The following NPY2R variants were observed in gnomAD, a reference collection of about 807,000 sequenced individuals.
NPY2R encodes neuropeptide Y receptor type 2.
In NPY2R, 17 loss-of-function variants were observed where a neutral mutation model predicts 22.3. The ratio of observed to expected loss-of-function variants is 0.76; its 90% CI spans 0.52 to 1.14. NPY2R has a LOEUF of 1.14. Among genes scored for constraint, NPY2R ranks in the 50% most tolerant of loss-of-function variants. The pLI, the probability that NPY2R is intolerant of heterozygous loss-of-function variation, is 0.00. For missense variants in NPY2R, 424 were observed against 467.9 expected (o/e 0.91, Z 0.87); for synonymous variants, 209 against 183.4 (o/e 1.14, Z -1.13).
Position 155,216,437 on chromosome 4 carries a change from T to C in NPY2R, c.*1352T>C, listed in dbSNP as rs2111050533. On this transcript the variant is annotated 3_prime_UTR_variant, in exon 2 of 2. Transcript: ENST00000329476. ...AATAACAACTGAGATGTTAAAATAG[T>C]CATACGTCTTTAGATGCTATTAAAG... The C allele has an allele frequency of 6.0e-6, 1 of 166,962 alleles. No individual in the cohort carries two copies. The highest frequency in any genetic ancestry group is 2.1e-4 in the South Asian group (1 of 4,830). 10.3% of individuals were successfully genotyped at this position (166,962 alleles called of 1,614,324 possible). A position where few individuals can be genotyped will look rare whatever the true frequency, so the allele number is the denominator to read the frequency against.
the NPY2R span, among the ~76,000 whole-genome samples, chr4:155,190,616 G>A: frequency 6.6e-6 from 1 of 151,916 alleles, no homozygotes; most frequent in Non-Finnish European, 1.5e-5. Context: ...TATAATTTCT[G>A]TACAAAATAG....
upstream of NPY2R, among the ~76,000 whole-genome samples, chr4:155,205,073 A>G (rs762348923): frequency 6.6e-6 from 1 of 152,194 alleles, no homozygotes; most frequent in African/African-American, 2.4e-5. Flanking sequence ...GTGCAGTTCA[A>G]ACTGTGCTGT....
chr4:155,181,563 G>C, the NPY2R span, among the ~76,000 whole-genome samples: 1 of 152,080 alleles, frequency 6.6e-6, no homozygotes. Flanking sequence ...AGGAGACTTT[G>C]GGAGAAGATT....
At chr4:155,189,042 C>T in the NPY2R span, among the ~76,000 whole-genome samples, 1 of 152,110 alleles carries the variant, frequency 6.6e-6, no homozygotes, top group Non-Finnish European at 1.5e-5. Context: ...TTTTTTAAAG[C>T]ACTTCATGTA....
chr4:155,197,489 C>G, the NPY2R span, among the ~76,000 whole-genome samples: 1 of 151,634 alleles, frequency 6.6e-6, no homozygotes, highest in Non-Finnish European at 1.5e-5. Flanking sequence ...CCCTTCTTTC[C>G]TGACTAGGAG....
At chr4:155,203,028 T>G in the NPY2R span, among the ~76,000 whole-genome samples, 1 of 152,154 alleles carries the variant, frequency 6.6e-6, no homozygotes, top group Non-Finnish European at 1.5e-5. Flanking sequence ...TAAATACCCT[T>G]TTAGATTTGG....
At chr4:155,186,014 C>T in the NPY2R span, among the ~76,000 whole-genome samples, 1 of 152,158 alleles carries the variant, frequency 6.6e-6, no homozygotes, top group Admixed American at 6.5e-5. Context: ...CAGAAAGTAT[C>T]GCCACTCTGT....
chr4:155,189,891 T>A, the NPY2R span, among the ~76,000 whole-genome samples: 1 of 152,036 alleles, frequency 6.6e-6, no homozygotes, highest in Non-Finnish European at 1.5e-5. Context: ...CTTTTGCATA[T>A]CCTTACTCTT....
chr4:155,214,540 G>T lies in NPY2R; in HGVS notation c.601G>T (p.Val201Leu). The change falls in exon 2 of 2, where the codon GTG (valine) becomes TTG (leucine). Residue 201 changes from valine to leucine, a missense_variant. Transcript: ENST00000329476. ...LIEIIPDFEI[V>L]ACTEKWPGEE... ...TGAGATCATCCCGGACTTTGAGATT[G>T]TGGCCTGTACTGAAAAGTGGCCTGG... 1 of 1,614,200 alleles carries T rather than the reference G, an allele frequency of 6.2e-7. No homozygotes were observed. Among genetic ancestry groups the T allele is most frequent in the Non-Finnish European group, 8.5e-7 (1 of 1,180,026 alleles).
chr4:155,184,622 A>G, the NPY2R span, among the ~76,000 whole-genome samples: 1 of 152,080 alleles, frequency 6.6e-6, no homozygotes, highest in Non-Finnish European at 1.5e-5. Context: ...TCTGAGACCT[A>G]TTTTCTTCCA....
the NPY2R span, among the ~76,000 whole-genome samples, chr4:155,189,723 C>T: frequency 6.6e-6 from 1 of 151,552 alleles, no homozygotes; most frequent in Non-Finnish European, 1.5e-5. Context: ...CCATACATAC[C>T]ATCTACAACC....
intron 1 of NPY2R, among the ~76,000 whole-genome samples, chr4:155,209,810 A>C (rs541644562): frequency 6.6e-6 from 1 of 152,200 alleles, no homozygotes; most frequent in South Asian, 2.1e-4. Flanking sequence ...GTGCTTGATA[A>C]GATGTGTAGG....
the NPY2R span, among the ~76,000 whole-genome samples, chr4:155,180,494 C>T: frequency 2.0e-5 from 3 of 152,040 alleles, no homozygotes; most frequent in African/African-American, 7.2e-5. Flanking sequence ...CATTATTATA[C>T]TTCTTATACC....
At chr4:155,176,056 C>T in the NPY2R span, among the ~76,000 whole-genome samples, 6 of 152,120 alleles carry the variant, frequency 3.9e-5, no homozygotes, top group African/African-American at 1.4e-4. Context: ...CAAACTTCAG[C>T]CAAGGAAATA....
At position 155,214,167 on chromosome 4, in the gene NPY2R, C is replaced by A; in HGVS notation, c.228C>A (p.Ile76=). The change falls in exon 2 of 2, where the codon ATC becomes ATA. Residue 76 remains isoleucine (I), a synonymous_variant. Coordinates refer to ENST00000329476, the MANE Select transcript of NPY2R (RefSeq NM_000910.4). ...IGNSLVIHVV[I]KFKSMRTVTN... ...ACTCCTTGGTGATCCATGTGGTGAT[C>A]AAATTCAAGAGCATGCGCACAGTAA... 6.2e-7 allele frequency: 1 copy of A among 1,613,976 alleles called. No individual in the cohort carries two copies. The highest frequency in any genetic ancestry group is 8.5e-7 in the Non-Finnish European group (1 of 1,179,848).
the NPY2R span, among the ~76,000 whole-genome samples, chr4:155,196,913 T>C: frequency 6.6e-6 from 1 of 151,988 alleles, no homozygotes; most frequent in African/African-American, 2.4e-5. Context: ...GTAAAATTCC[T>C]ATTTATTTTA....
the NPY2R span, among the ~76,000 whole-genome samples, chr4:155,183,040 G>A: frequency 0.42 from 64,227 of 151,854 alleles, 14,005 homozygotes; most frequent in East Asian, 0.69. Context: ...TGATCCACCT[G>A]CCTTGGCCTC....
chr4:155,189,513 T>C, the NPY2R span, among the ~76,000 whole-genome samples: 1 of 152,038 alleles, frequency 6.6e-6, no homozygotes, highest in Non-Finnish European at 1.5e-5. Flanking sequence ...TAATTAATTT[T>C]TAAAATGTAT....
chr4:155,196,328 G>A, the NPY2R span, among the ~76,000 whole-genome samples: 20 of 152,030 alleles, frequency 1.3e-4, no homozygotes, highest in South Asian at 2.9e-3. Context: ...ATAAAGCACC[G>A]AAAAGAAAAT....
Sources: gnomAD v4.1 joint callset for allele counts (sites outside exome capture counted in the v4.1 genomes callset) on GRCh38, gnomAD v4.1.1 for gene constraint, MANE v1.5 for transcripts, NCBI Gene and HGNC (gene_info 2026-07-23, HGNC 2026-07-21) for gene names.